Variants in IP6K1 observed in about 807,000 individuals in gnomAD.
The protein encoded by IP6K1 is ATP:1D-myo-inositol-hexakisphosphate phosphotransferase.
IP6K1 carries 13 observed loss-of-function variants against 38.3 expected under a neutral mutation model. The observed-to-expected ratio is 0.34, with a 90% CI of 0.22 to 0.54. IP6K1 has a LOEUF of 0.54. IP6K1 is among the 20% of genes least tolerant of loss of function. IP6K1 has a pLI of 0.92. For missense variants in IP6K1, 397 were observed against 599.8 expected (o/e 0.66, Z 3.53); for synonymous variants, 212 against 229.9 (o/e 0.92, Z 0.70).
chr3:49,783,907 C>A (rs1443776777), intron 1 of IP6K1, among the ~76,000 whole-genome samples: 1 of 152,104 alleles, frequency 6.6e-6, no homozygotes, highest in Non-Finnish European at 1.5e-5. Flanking sequence ...TAAACTCAGT[C>A]GAACAGCAAC....
chr3:49,737,857 C>A (rs1394522218), intron 3 of IP6K1, among the ~76,000 whole-genome samples: 1 of 152,184 alleles, frequency 6.6e-6, no homozygotes, highest in Non-Finnish European at 1.5e-5. Flanking sequence ...GGACATCCTG[C>A]AGGTCAGAAA....
At chr3:49,761,877 T>C (rs1424965940) in intron 1 of IP6K1, among the ~76,000 whole-genome samples, 1 of 151,580 alleles carries the variant, frequency 6.6e-6, no homozygotes, top group African/African-American at 2.4e-5. Context: ...GACCAGGAGT[T>C]TGAGGTTACA....
At chr3:49,782,939 G>A (rs1379455103) in intron 1 of IP6K1, among the ~76,000 whole-genome samples, 31 of 139,176 alleles carry the variant, frequency 2.2e-4, no homozygotes, top group African/African-American at 7.5e-4. Flanking sequence ...GCAAAACCCC[G>A]GCTCTACTAA....
intron 1 of IP6K1, among the ~76,000 whole-genome samples, chr3:49,753,932 T>C (rs1421930556): frequency 6.6e-6 from 1 of 151,762 alleles, no homozygotes; most frequent in Non-Finnish European, 1.5e-5. Context: ...ATAGCCACAA[T>C]AACAAGGACA....
At position 49,775,281 on chromosome 3, in the gene IP6K1, A is replaced by C. The variant is rs185806914; in HGVS notation, c.-129+11073T>G. On this transcript the variant is annotated intron_variant, in intron 1 of 5. Coordinates refer to ENST00000321599, the MANE Select transcript of IP6K1 (RefSeq NM_153273.4). ...GCTTCTAGCGGCCGGCTTCATTGGG[A>C]ACTATGGCTAAACATCATCCTAATT... 6 of 227,538 alleles carry C rather than the reference A, an allele frequency of 2.6e-5. No individual in the cohort carries two copies. In the East Asian group the frequency reaches 6.3e-4, roughly 24 times the overall value. 14.1% of individuals were successfully genotyped at this position (227,538 alleles called of 1,614,324 possible).
At chr3:49,743,280 A>ACACACT (rs1360873546) in intron 2 of IP6K1, among the ~76,000 whole-genome samples, 1 of 141,980 alleles carries the variant, frequency 7.0e-6, no homozygotes, top group Non-Finnish European at 1.5e-5. Context: ...ACACACACAC[A>ACACACT]CTTACCTTTC....
chr3:49,733,049 A>G (rs2080577947), intron 3 of IP6K1, 77 bp from the exon 4 acceptor site: 1 of 1,133,166 alleles, frequency 8.8e-7, no homozygotes, highest in African/African-American at 1.5e-5. Flanking sequence ...CAGGGCACAG[A>G]TCTGTCCACA....
chr3:49,746,019 C>CAT (rs1458172136), intron 2 of IP6K1, among the ~76,000 whole-genome samples: 3 of 152,172 alleles, frequency 2.0e-5, no homozygotes, highest in African/African-American at 7.2e-5. Flanking sequence ...ATACCACACA[C>CAT]ATCCACTAGG....
At chr3:49,753,127 A>AC (rs1221494726) in intron 1 of IP6K1, among the ~76,000 whole-genome samples, 1 of 150,546 alleles carries the variant, frequency 6.6e-6, no homozygotes, top group Non-Finnish European at 1.5e-5. Context: ...ATTCCTTCCC[A>AC]CCCCCATTTT....
At chr3:49,737,959 C>T (rs1233218141) in intron 3 of IP6K1, among the ~76,000 whole-genome samples, 1 of 152,174 alleles carries the variant, frequency 6.6e-6, no homozygotes, top group Non-Finnish European at 1.5e-5. Flanking sequence ...CTTTTGTCAC[C>T]AGCACAGGGT....
intron 2 of IP6K1, among the ~76,000 whole-genome samples, chr3:49,745,974 G>A (rs1467797696): frequency 6.6e-6 from 1 of 151,986 alleles, no homozygotes; most frequent in Non-Finnish European, 1.5e-5. Context: ...TGCATCATTC[G>A]TTAGACATTA....
chr3:49,727,709 C>T lies in IP6K1; in HGVS notation c.793-54G>A, dbSNP rs916900932. The T allele has an allele frequency of 6.4e-7, 1 of 1,560,952 alleles. No individual in the cohort carries two copies. On this transcript the variant is annotated intron_variant, in intron 5 of 5. Transcript: ENST00000321599. The surrounding 1 kb of genome is among the most constrained non-coding windows in gnomAD (Gnocchi z 5.9). ...GTGCCAGGGAAGTCTGAAGAGCTCA[C>T]AGTGCCCTGGGCAAACACTGTCTGG... is the stretch of plus-strand genomic sequence containing the variant.
chr3:49,756,205 T>G, intron 1 of IP6K1, among the ~76,000 whole-genome samples: 1 of 152,154 alleles, frequency 6.6e-6, no homozygotes, highest in East Asian at 1.9e-4. Context: ...TGAGGCCACC[T>G]GGCTAAGAAC....
Position 49,738,418 on chromosome 3 carries a change from C to T in IP6K1, c.228G>A (p.Val76=). ...MKEFTPEYKG[V]VSVCFEGDSD... ...TGTCCCCCTCAAAACAGACAGATAC[C>T]ACGCCTGTTAAAAAAAGGGCAGTTG... Residue 76 remains valine (V), a synonymous_variant, in exon 3 of 6, where the codon GTG becomes GTA. Coordinates refer to ENST00000321599, the MANE Select transcript of IP6K1 (RefSeq NM_153273.4). 2.5e-6 allele frequency: 4 copies of T among 1,613,542 alleles called. No individual in the cohort carries two copies. The highest frequency in any genetic ancestry group is 1.7e-4 in the Middle Eastern group (1 of 6,060).
intron 1 of IP6K1, among the ~76,000 whole-genome samples, chr3:49,769,351 C>T (rs538284789): frequency 3.3e-5 from 5 of 152,238 alleles, no homozygotes; most frequent in Non-Finnish European, 5.9e-5. Context: ...TTTACACTGC[C>T]TCATGTCAAG....
At chr3:49,754,284 G>A (rs1179928781) in intron 1 of IP6K1, among the ~76,000 whole-genome samples, 1 of 152,106 alleles carries the variant, frequency 6.6e-6, no homozygotes, top group African/African-American at 2.4e-5. Flanking sequence ...ACTGAGGTGG[G>A]AGGATGGCTT....
intron 1 of IP6K1, among the ~76,000 whole-genome samples, chr3:49,781,951 A>T (rs2081069304): frequency 6.6e-6 from 1 of 151,812 alleles, no homozygotes; most frequent in Middle Eastern, 3.2e-3. Context: ...AAATTAGCTG[A>T]GCACAGTTGT....
rs71080545 is a variant in IP6K1 at position 49,731,887 on chromosome 3, C to CAAAAAAAAAA, written c.616+894_616+903dup. 4.0e-4 allele frequency among the ~76,000 whole-genome samples: 26 copies of CAAAAAAAAAA among 65,324 alleles called. 2 individuals carry two copies. In the East Asian group the frequency reaches 5.1e-3, roughly 13 times the overall value. The allele number at this position is 65,324 out of a possible 152,430, so 42.9% of individuals were successfully genotyped here. On this transcript the variant is annotated intron_variant, in intron 4 of 5. Transcript: ENST00000321599. ...TGGGTAACAGAGTGAGACTCTGTCT[C>CAAAAAAAAAA]AAAAAAAAAAAAAAAAAAGGAATTC... is the stretch of plus-strand genomic sequence containing the variant.
intron 1 of IP6K1, among the ~76,000 whole-genome samples, chr3:49,763,749 C>T (rs1317600688): frequency 6.6e-6 from 1 of 152,172 alleles, no homozygotes; most frequent in Non-Finnish European, 1.5e-5. Context: ...GGTGTGGTGG[C>T]TCACGCCTGT....
Sources: gnomAD v4.1 joint callset for allele counts (sites outside exome capture counted in the v4.1 genomes callset) on GRCh38, gnomAD v4.1.1 for gene constraint, Gnocchi (gnomAD v3.1) non-coding constraint, MANE v1.5 for transcripts, NCBI Gene and HGNC (gene_info 2026-07-23, HGNC 2026-07-21) for gene names.